The following DNAJC10 variants were observed in gnomAD, a reference collection of about 807,000 sequenced individuals.
DNAJC10 encodes the protein endoplasmic reticulum disulfide reductase DNAJC10.
Under a neutral mutation model 115.0 loss-of-function variants are expected in DNAJC10, and 101 were observed. The observed-to-expected ratio is 0.88, with a 90% CI of 0.75 to 1.04. The LOEUF (loss-of-function observed/expected upper bound fraction) is 1.04. Ranked by LOEUF, DNAJC10 falls within the 50% of genes least tolerant of loss-of-function variation. The probability of loss-of-function intolerance (pLI) is 0.00; values close to 1 mark genes in which losing one functional copy is unlikely to be tolerated. For synonymous variants in DNAJC10, 307 were observed against 301.5 expected (o/e 1.02, Z -0.19); for missense variants, 981 against 928.8 (o/e 1.06, Z -0.73).
intron 23 of DNAJC10, among the ~76,000 whole-genome samples, chr2:182,776,241 C>T (rs932614320): frequency 2.6e-5 from 4 of 151,908 alleles, no homozygotes; most frequent in Non-Finnish European, 5.9e-5. Flanking sequence ...CCTCATAACA[C>T]GTTTTGAATA....
chr2:182,738,024 T>TA (rs1033896147), intron 11 of DNAJC10, among the ~76,000 whole-genome samples: 3 of 152,188 alleles, frequency 2.0e-5, no homozygotes, highest in Non-Finnish European at 4.4e-5. Flanking sequence ...CTTTCTTATT[T>TA]AAAAAATGTA....
chr2:182,723,142 C>T (rs1280444537), intron 5 of DNAJC10, among the ~76,000 whole-genome samples: 5 of 146,704 alleles, frequency 3.4e-5, no homozygotes, highest in Non-Finnish European at 7.4e-5. Context: ...TGGGTTCAAG[C>T]GATTCTCCTG....
rs1359831511 is a variant in DNAJC10, at chr2:182,783,246, T to C, written c.*6114T>C. On this transcript the variant is annotated 3_prime_UTR_variant, in exon 24 of 24. Transcript: ENST00000264065. ...AATAAGTGTTGATTTTTGGAAAATA[T>C]GAAATTGGAAACTTAGAAAACTTGA... 6.6e-6 allele frequency: 1 copy of C among 152,204 alleles called. No homozygotes were observed. The highest frequency in any genetic ancestry group is 1.5e-5 in the Non-Finnish European group (1 of 68,038). The allele number at this position is 152,204 out of a possible 1,614,324, so 9.4% of individuals were successfully genotyped here.
intron 13 of DNAJC10, among the ~76,000 whole-genome samples, chr2:182,742,972 A>G (rs992755164): frequency 6.6e-6 from 1 of 151,526 alleles, no homozygotes; most frequent in East Asian, 1.9e-4. Context: ...TCAGCCTCCC[A>G]AGTAGCTGGG....
rs1330657291 is a variant in DNAJC10 at position 182,777,837 on chromosome 2, T to C, written c.*705T>C. The C allele has an allele frequency of 6.6e-6, 1 of 152,126 alleles. No homozygotes were observed. The highest frequency in any genetic ancestry group is 2.4e-5 in the African/African-American group (1 of 41,434). 9.4% of individuals were successfully genotyped at this position (152,126 alleles called of 1,614,324 possible). A position where few individuals can be genotyped will look rare whatever the true frequency, so the allele number is the denominator to read the frequency against. On this transcript the variant is annotated 3_prime_UTR_variant, in exon 24 of 24. Coordinates refer to ENST00000264065, the MANE Select transcript of DNAJC10 (RefSeq NM_018981.4). ...TCACAGCCGAGAAACAGTGCAGCAG[T>C]ATATGTGCACACAGTAAGTACACAA...
intron 16 of DNAJC10, chr2:182,754,727 TA>T (rs1694113039): frequency 1.8e-6 from 2 of 1,136,006 alleles, no homozygotes; most frequent in South Asian, 2.9e-5. Flanking sequence ...ACCATTCGTA[TA>T]ATTACCCATG....
chr2:182,770,359 T>C (rs1281637579), intron 22 of DNAJC10, among the ~76,000 whole-genome samples: 1 of 152,146 alleles, frequency 6.6e-6, no homozygotes, highest in Non-Finnish European at 1.5e-5. Context: ...AGGAAAGTCA[T>C]TGGTAGCTTG....
chr2:182,772,911 A>G (rs1339814835), intron 22 of DNAJC10, among the ~76,000 whole-genome samples: 2 of 152,044 alleles, frequency 1.3e-5, no homozygotes, highest in Non-Finnish European at 2.9e-5. Flanking sequence ...TTGCCTGTTA[A>G]TTGATGTAGT....
At chr2:182,722,667 G>C (rs535469318) in intron 5 of DNAJC10, among the ~76,000 whole-genome samples, 1 of 152,084 alleles carries the variant, frequency 6.6e-6, no homozygotes, top group Non-Finnish European at 1.5e-5. Flanking sequence ...AGCCAGGCGC[G>C]GTGGCTCACA....
At chr2:182,757,938 C>A (rs1574948016) in intron 19 of DNAJC10, 113 bp downstream of exon 19, 5 of 611,686 alleles carry the variant, frequency 8.2e-6, no homozygotes, top group Non-Finnish European at 1.3e-5. Context: ...TATTGGGAGC[C>A]CACTACGTAA....
At position 182,741,253 on chromosome 2, in the gene DNAJC10, C is replaced by A; in HGVS notation, c.1088C>A (p.Ala363Asp). 6.3e-7 allele frequency: 1 copy of A among 1,599,594 alleles called. No individual in the cohort carries two copies. Reference sequence around the variant, plus strand: ...TTTATCACTTTTAAGGATCGTTTGGCTCATCATCGGTGGCTGTTATTTTTT... The same window carrying A: ...TTTATCACTTTTAAGGATCGTTTGGATCATCATCGGTGGCTGTTATTTTTT... ...LSANTLEDRLAHHRWLLFFHF... is the reference protein window; with the variant it reads ...LSANTLEDRLDHHRWLLFFHF... Residue 363 changes from alanine (A) to aspartate (D), a missense_variant, in exon 13 of 24, where the codon GCT (alanine) becomes GAT (aspartate). By Grantham distance (126) the Ala-to-Asp change is moderately radical. Transcript: ENST00000264065.
chr2:182,741,086 T>C (rs927526957), intron 12 of DNAJC10, among the ~76,000 whole-genome samples, 157 bp from the exon 13 acceptor site: 15 of 152,154 alleles, frequency 9.9e-5, no homozygotes, highest in African/African-American at 3.4e-4. Flanking sequence ...TTATTCTAAG[T>C]AAACTACAAA....
At chr2:182,721,921 A>G (rs1190297833) in intron 4 of DNAJC10, 104 bp from the exon 5 acceptor site, 2 of 617,770 alleles carry the variant, frequency 3.2e-6, no homozygotes, top group Non-Finnish European at 5.5e-6. Context: ...GATATAATAT[A>G]GTAGTTTGAT....
intron 22 of DNAJC10, among the ~76,000 whole-genome samples, chr2:182,767,428 T>C (rs1042905276): frequency 1.3e-5 from 2 of 152,122 alleles, no homozygotes; most frequent in Non-Finnish European, 2.9e-5. Flanking sequence ...AAAAATACTT[T>C]CTGTTCTTTG....
intron 11 of DNAJC10, chr2:182,739,672 A>T: frequency 9.5e-7 from 1 of 1,057,232 alleles, no homozygotes; most frequent in South Asian, 2.9e-5. Context: ...TGTTTTAAAT[A>T]AGAGACTCGG....
At chr2:182,727,766 A>G (rs1693328747) in intron 5 of DNAJC10, among the ~76,000 whole-genome samples, 1 of 152,248 alleles carries the variant, frequency 6.6e-6, no homozygotes, top group Admixed American at 6.5e-5. Context: ...ATGGAATTAT[A>G]TGGAAATCCT....
chr2:182,769,177 A>G (rs1362526861), intron 22 of DNAJC10, among the ~76,000 whole-genome samples: 2 of 152,150 alleles, frequency 1.3e-5, no homozygotes, highest in Non-Finnish European at 2.9e-5. Flanking sequence ...ATGGCTGCAT[A>G]GTATTCCATG....
intron 4 of DNAJC10, among the ~76,000 whole-genome samples, chr2:182,721,649 A>G (rs747596480): frequency 6.6e-6 from 1 of 152,164 alleles, no homozygotes; most frequent in Non-Finnish European, 1.5e-5. Flanking sequence ...CTATATAGCT[A>G]CATAACATGT....
At chr2:182,735,740 A>G (rs1273983248) in intron 10 of DNAJC10, among the ~76,000 whole-genome samples, 1 of 152,142 alleles carries the variant, frequency 6.6e-6, no homozygotes, top group East Asian at 1.9e-4. Flanking sequence ...TACTTTTCGT[A>G]CAGGATTTTT....
Sources: gnomAD v4.1 joint callset for allele counts (sites outside exome capture counted in the v4.1 genomes callset) on GRCh38, gnomAD v4.1.1 for gene constraint, MANE v1.5 for transcripts, NCBI Gene and HGNC (gene_info 2026-07-23, HGNC 2026-07-21) for gene names.